WDR72: variants seen among roughly 807,000 people sequenced by gnomAD.
WDR72 encodes WD repeat-containing protein 72.
WDR72 carries 120 observed loss-of-function variants against 124.2 expected under a neutral mutation model. That is an observed-to-expected ratio of 0.97 (90% CI 0.83 to 1.12). The LOEUF is 1.12. Among genes scored for constraint, WDR72 ranks in the 50% most tolerant of loss-of-function variants. The pLI, the probability that WDR72 is intolerant of heterozygous loss-of-function variation, is 0.00. For synonymous variants in WDR72, 452 were observed against 441.7 expected, an observed-to-expected ratio of 1.02 and a Z score of -0.29; for missense variants, 1,387 against 1,278.8, an observed-to-expected ratio of 1.08 and a Z score of -1.29.
chr15:53,699,622 A>T lies in WDR72; in HGVS notation c.1765+128T>A. The stretch of plus-strand genomic sequence containing the variant: ...ACACATGCCTTTAACTGAAGCCATT[A>T]AATGCAGCCCAAACAAAGGTTAAAG... On this transcript the variant is annotated intron_variant, in intron 13 of 19. Transcript: ENST00000360509. The T allele has an allele frequency of 4.0e-6, 4 of 995,436 alleles. No homozygotes were observed. In the East Asian group the frequency reaches 7.6e-5, roughly 19 times the overall value. 61.7% of individuals were successfully genotyped at this position (995,436 alleles called of 1,614,324 possible).
intron 18 of WDR72, among the ~76,000 whole-genome samples, chr15:53,592,933 G>A (rs749983348): frequency 5.9e-5 from 9 of 152,148 alleles, no homozygotes; most frequent in South Asian, 4.1e-4. Flanking sequence ...TTATAAAAAC[G>A]TTAACTTAGA....
In WDR72 at chr15:53,665,850, A is replaced by G; in HGVS notation, c.1766-82T>C. 2.9e-6 allele frequency: 4 copies of G among 1,363,088 alleles called. No individual in the cohort carries two copies. The South Asian group carries it at 4.8e-5, about 16-fold the overall frequency. The allele number at this position is 1,363,088 out of a possible 1,614,324, so 84.4% of individuals were successfully genotyped here. A position where few individuals can be genotyped will look rare whatever the true frequency, so the allele number is the denominator to read the frequency against. ...AGACAGAACAAACACTCTTTAGCAG[A>G]AGAATCACAATCCTTTAAGTTATCG... On this transcript the variant is annotated intron_variant, in intron 13 of 19. Transcript: ENST00000360509.
intron 13 of WDR72, among the ~76,000 whole-genome samples, chr15:53,692,798 T>G (rs2016884527): frequency 6.6e-6 from 1 of 152,160 alleles, no homozygotes; most frequent in Admixed American, 6.6e-5. Context: ...CAAAAAATGG[T>G]CAGTAAACTA....
chr15:53,652,130 A>C (rs987916916), intron 14 of WDR72: 9 of 152,256 alleles, frequency 5.9e-5, no homozygotes, highest in African/African-American at 2.2e-4. Flanking sequence ...TCTCTGGTAC[A>C]TGAGATTGGG....
chr15:53,585,515 G>A (rs1377988640), intron 18 of WDR72, among the ~76,000 whole-genome samples: 1 of 151,932 alleles, frequency 6.6e-6, no homozygotes, highest in Non-Finnish European at 1.5e-5. Flanking sequence ...TTGCGCTATT[G>A]GGTACTCACT....
chr15:53,655,252 A>T (rs1048821218), intron 14 of WDR72, among the ~76,000 whole-genome samples: 3 of 149,356 alleles, frequency 2.0e-5, no homozygotes, highest in African/African-American at 7.4e-5. Context: ...AAAAAAAAAA[A>T]AAAAAAAAGA....
intron 18 of WDR72, among the ~76,000 whole-genome samples, chr15:53,527,731 C>T (rs1197347287): frequency 2.0e-5 from 3 of 151,902 alleles, no homozygotes; most frequent in Admixed American, 6.6e-5. Flanking sequence ...AGACCAAAGC[C>T]AAACAAAAAT....
At chr15:53,568,340 A>T (rs1013654826) in intron 18 of WDR72, among the ~76,000 whole-genome samples, 1 of 151,774 alleles carries the variant, frequency 6.6e-6, no homozygotes, top group African/African-American at 2.4e-5. Flanking sequence ...ATCGGTTTTT[A>T]TGAAGTAGAA....
intron 18 of WDR72, among the ~76,000 whole-genome samples, chr15:53,580,630 G>T (rs990350167): frequency 1.3e-5 from 2 of 152,010 alleles, no homozygotes; most frequent in South Asian, 2.1e-4. Flanking sequence ...ACTCATTCCA[G>T]GATGACACAG....
chr15:53,744,809 T>C (rs1225105134), intron 1 of WDR72, among the ~76,000 whole-genome samples: 3 of 152,190 alleles, frequency 2.0e-5, no homozygotes, highest in Non-Finnish European at 4.4e-5. Flanking sequence ...TGAACTCTTA[T>C]TCTGCTGATG....
intron 14 of WDR72, among the ~76,000 whole-genome samples, chr15:53,645,599 A>G (rs894195316): frequency 6.6e-6 from 1 of 152,186 alleles, no homozygotes; most frequent in South Asian, 2.1e-4. Flanking sequence ...TGTACTAAGA[A>G]AGATATGCTA....
chr15:53,753,240 T>A (rs2018817162), intron 1 of WDR72, among the ~76,000 whole-genome samples: 1 of 152,160 alleles, frequency 6.6e-6, no homozygotes, highest in Non-Finnish European at 1.5e-5. Flanking sequence ...AACAATCCAT[T>A]TTTCCTCCTA....
chr15:53,754,818 A>G (rs578230608), intron 1 of WDR72, among the ~76,000 whole-genome samples: 52 of 152,220 alleles, frequency 3.4e-4, no homozygotes, highest in African/African-American at 1.1e-3. Flanking sequence ...CACAAATTCA[A>G]TTTTATGATG....
intron 18 of WDR72, among the ~76,000 whole-genome samples, chr15:53,541,302 G>A (rs58747426): frequency 9.9e-5 from 15 of 152,180 alleles, no homozygotes; most frequent in Non-Finnish European, 1.2e-4. Flanking sequence ...ATCTGAGAAC[G>A]GGCAGACTGC....
intron 14 of WDR72, among the ~76,000 whole-genome samples, chr15:53,645,006 C>T (rs1395347429): frequency 6.6e-6 from 1 of 152,082 alleles, no homozygotes; most frequent in Admixed American, 6.6e-5. Flanking sequence ...TGCGTGAAAC[C>T]CACTGACTGG....
intron 18 of WDR72, among the ~76,000 whole-genome samples, chr15:53,552,009 A>G (rs985477469): frequency 3.3e-5 from 5 of 152,150 alleles, no homozygotes; most frequent in African/African-American, 9.7e-5. Flanking sequence ...CCATTCAGCC[A>G]TCTGCTGCTG....
chr15:53,560,064 G>A (rs998621238), intron 18 of WDR72, among the ~76,000 whole-genome samples: 1 of 151,928 alleles, frequency 6.6e-6, no homozygotes, highest in Non-Finnish European at 1.5e-5. Flanking sequence ...CCACAGACAA[G>A]TTATTGAGCT....
intron 18 of WDR72, among the ~76,000 whole-genome samples, chr15:53,572,820 C>T (rs1405761955): frequency 1.3e-5 from 2 of 152,170 alleles, no homozygotes; most frequent in Non-Finnish European, 2.9e-5. Context: ...GGAATGCTCC[C>T]GAACCTTACA....
At chr15:53,581,885 T>C (rs376302789) in intron 18 of WDR72, among the ~76,000 whole-genome samples, 94 of 152,142 alleles carry the variant, frequency 6.2e-4, no homozygotes, top group African/African-American at 2.2e-3. Flanking sequence ...ATTAATAATT[T>C]TGAATTACTG....
Sources: gnomAD v4.1 joint callset for allele counts (sites outside exome capture counted in the v4.1 genomes callset) on GRCh38, gnomAD v4.1.1 for gene constraint, MANE v1.5 for transcripts, NCBI Gene and HGNC (gene_info 2026-07-23, HGNC 2026-07-21) for gene names.